The following PCSK2 variants were observed in gnomAD, a reference collection of about 807,000 sequenced individuals.
PCSK2 encodes the protein neuroendocrine convertase 2.
Under a neutral mutation model 69.7 loss-of-function variants are expected in PCSK2, and 14 were observed. The ratio of observed to expected loss-of-function variants is 0.20; its 90% CI spans 0.13 to 0.31. PCSK2 has a LOEUF of 0.31. Among genes scored for constraint, PCSK2 ranks in the 10% least tolerant of loss-of-function variants. The pLI, the probability that PCSK2 is intolerant of heterozygous loss-of-function variation, is 1.00. For missense variants in PCSK2, 544 were observed against 842.5 expected (o/e 0.65, Z 4.39); for synonymous variants, 307 against 320.7 (o/e 0.96, Z 0.46).
rs201465225 is a variant in PCSK2, at chr20:17,277,167, C to T, written c.282+16823C>T. 5.0e-3 allele frequency among the ~76,000 whole-genome samples: 765 copies of T among 152,184 alleles called. 5 individuals are homozygous for T. The highest frequency in any genetic ancestry group is 0.023 in the East Asian group (117 of 5,180). ...CCCAAGGTAATTTATAGATTCAATG[C>T]CATCCCCATCAAGCTACCAATGACT... On this transcript the variant is annotated intron_variant, in intron 2 of 11. Coordinates refer to ENST00000262545, the MANE Select transcript of PCSK2 (RefSeq NM_002594.5).
At chr20:17,380,479 A>G (rs936079626) in intron 5 of PCSK2, among the ~76,000 whole-genome samples, 12 of 152,188 alleles carry the variant, frequency 7.9e-5, no homozygotes, top group Admixed American at 3.9e-4. Context: ...CTCACGTCCA[A>G]CTGCTTCTTA....
chr20:17,306,405 G>A (rs1292645489), intron 2 of PCSK2, among the ~76,000 whole-genome samples: 1 of 152,150 alleles, frequency 6.6e-6, no homozygotes, highest in African/African-American at 2.4e-5. Flanking sequence ...GCTTCCCAAA[G>A]AGGATTGTTT....
At chr20:17,449,505 T>G (rs1238066874) in intron 8 of PCSK2, among the ~76,000 whole-genome samples, 4 of 133,820 alleles carry the variant, frequency 3.0e-5, no homozygotes, top group African/African-American at 1.1e-4. Context: ...TATATAAATA[T>G]ACATATATAT....
chr20:17,276,629 C>A (rs1988089559), intron 2 of PCSK2, among the ~76,000 whole-genome samples: 1 of 152,054 alleles, frequency 6.6e-6, no homozygotes, highest in Non-Finnish European at 1.5e-5. Context: ...CTCTCTCAAA[C>A]AGCTTTTTGT....
intron 11 of PCSK2, among the ~76,000 whole-genome samples, chr20:17,469,119 C>T (rs2033158555): frequency 6.6e-6 from 1 of 152,226 alleles, no homozygotes; most frequent in African/African-American, 2.4e-5. Flanking sequence ...TCACCATTTT[C>T]CAAAGCTTCT....
intron 1 of PCSK2, among the ~76,000 whole-genome samples, chr20:17,249,916 T>C (rs887418853): frequency 6.6e-6 from 1 of 152,192 alleles, no homozygotes; most frequent in South Asian, 2.1e-4. Context: ...TAATGGATAA[T>C]AGTGATAGTT....
chr20:17,253,300 A>G (rs1422552435), intron 1 of PCSK2, among the ~76,000 whole-genome samples: 1 of 152,208 alleles, frequency 6.6e-6, no homozygotes, highest in Non-Finnish European at 1.5e-5. Flanking sequence ...CATTACCAGT[A>G]TCTAATTTTA....
At chr20:17,396,460 C>G (rs1020928327) in intron 5 of PCSK2, among the ~76,000 whole-genome samples, 1 of 152,180 alleles carries the variant, frequency 6.6e-6, no homozygotes, top group African/African-American at 2.4e-5. Flanking sequence ...AGCTACCTTC[C>G]ACTGCTTTTC....
intron 2 of PCSK2, among the ~76,000 whole-genome samples, chr20:17,329,723 G>A (rs775057237): frequency 6.6e-6 from 1 of 152,194 alleles, no homozygotes; most frequent in Non-Finnish European, 1.5e-5. Context: ...AAGCATATTT[G>A]CATGTATTAA....
Position 17,432,308 on chromosome 20 carries a change from TCTC to T in PCSK2, c.709+2788_709+2790del, listed in dbSNP as rs752261016. On this transcript the variant is annotated intron_variant, in intron 7 of 11. Coordinates refer to ENST00000262545, the MANE Select transcript of PCSK2 (RefSeq NM_002594.5). ...CCCATTTTAATCAATGCAAAGATCT[TCTC>T]CTTCATTTCTCTTCGCGTCCGTCTT... Among the ~76,000 whole-genome samples, 21 of 152,210 alleles carry T rather than the reference TCTC, an allele frequency of 1.4e-4. No homozygotes were observed. The South Asian group carries it at 1.9e-3, about 14-fold the overall frequency.
chr20:17,260,416 G>A (rs979046614), intron 2 of PCSK2, 72 bp downstream of exon 2: 2 of 1,010,666 alleles, frequency 2.0e-6, no homozygotes, highest in Non-Finnish European at 3.2e-6. Context: ...GGTGTGGAGG[G>A]GCTGGCAGGG....
At chr20:17,301,641 C>T (rs1449136004) in intron 2 of PCSK2, among the ~76,000 whole-genome samples, 1 of 151,948 alleles carries the variant, frequency 6.6e-6, no homozygotes, top group Non-Finnish European at 1.5e-5. Flanking sequence ...TATAAAAATA[C>T]ATATATTATG....
intron 2 of PCSK2, among the ~76,000 whole-genome samples, chr20:17,346,062 A>G (rs1195562580): frequency 1.3e-5 from 2 of 152,190 alleles, no homozygotes; most frequent in South Asian, 2.1e-4. Context: ...CACATTAATG[A>G]GGCCCCCCTC....
At chr20:17,360,137 A>G (rs2030340429) in intron 3 of PCSK2, among the ~76,000 whole-genome samples, 1 of 152,246 alleles carries the variant, frequency 6.6e-6, no homozygotes, top group Non-Finnish European at 1.5e-5. Flanking sequence ...ATCCAAAACA[A>G]TATGCTGTAA....
chr20:17,248,222 G>T (rs1256713156), intron 1 of PCSK2, among the ~76,000 whole-genome samples: 3 of 147,654 alleles, frequency 2.0e-5, no homozygotes, highest in Admixed American at 6.8e-5. Flanking sequence ...GTGTTTCAAT[G>T]AAGAAAACAT....
chr20:17,348,090 A>AAT (rs1555790045), intron 2 of PCSK2, among the ~76,000 whole-genome samples: 5 of 142,826 alleles, frequency 3.5e-5, no homozygotes, highest in Non-Finnish European at 6.2e-5. Flanking sequence ...AAAGAAAGAA[A>AAT]GAAAGAAAGA....
rs562374461 is a variant in PCSK2 at position 17,445,080 on chromosome 20, T to A, written c.885+8197T>A. Among the ~76,000 whole-genome samples the A allele has an allele frequency of 2.0e-5, 3 of 152,318 alleles. No homozygotes were observed. The South Asian group carries it at 6.2e-4, about 32-fold the overall frequency. The stretch of plus-strand genomic sequence containing the variant: ...GCTTAAGCAAAACCTAACCTGAGAC[T>A]TCGAGTCATCACTCTCTGGATAAAT... On this transcript the variant is annotated intron_variant, in intron 8 of 11. Coordinates refer to ENST00000262545, the MANE Select transcript of PCSK2 (RefSeq NM_002594.5).
At chr20:17,449,709 T>C (rs2032781819) in intron 8 of PCSK2, among the ~76,000 whole-genome samples, 1 of 151,756 alleles carries the variant, frequency 6.6e-6, no homozygotes. Flanking sequence ...GTATTTTTAA[T>C]AGAGACGAGG....
rs193172448 is a variant in PCSK2, at chr20:17,303,817, T to C, written c.282+43473T>C. On this transcript the variant is annotated intron_variant, in intron 2 of 11. Coordinates refer to ENST00000262545, the MANE Select transcript of PCSK2 (RefSeq NM_002594.5). Reference sequence around the variant, plus strand: ...GTCTTGAACTCCTGACCTCAGGTGATCCACCCCCCACCCCGCCCTCCCAAA... The same window carrying C: ...GTCTTGAACTCCTGACCTCAGGTGACCCACCCCCCACCCCGCCCTCCCAAA... 4.1e-3 allele frequency among the ~76,000 whole-genome samples: 614 copies of C among 148,454 alleles called. 3 individuals carry two copies. The highest frequency in any genetic ancestry group is 0.018 in the East Asian group (88 of 4,970).
Sources: gnomAD v4.1 joint callset for allele counts (sites outside exome capture counted in the v4.1 genomes callset) on GRCh38, gnomAD v4.1.1 for gene constraint, MANE v1.5 for transcripts, NCBI Gene and HGNC (gene_info 2026-07-23, HGNC 2026-07-21) for gene names.